Variants in PHACTR1 observed in about 807,000 individuals in gnomAD.
PHACTR1 encodes phosphatase and actin regulator 1.
Under a neutral mutation model 69.2 loss-of-function variants are expected in PHACTR1, and 16 were observed. The observed-to-expected ratio is 0.23, with a 90% CI of 0.16 to 0.35. The LOEUF is 0.35. Among genes scored for constraint, PHACTR1 ranks in the 10% least tolerant of loss-of-function variants. PHACTR1 has a pLI of 1.00. For missense variants in PHACTR1, 510 were observed against 734.7 expected (o/e 0.69, Z 3.54); for synonymous variants, 312 against 284.5 (o/e 1.10, Z -0.97).
At chr6:13,053,327 T>C (rs777423992) in intron 4 of PHACTR1, 38 bp from the exon 5 acceptor site, 2 of 1,551,046 alleles carry the variant, frequency 1.3e-6, no homozygotes, top group South Asian at 1.2e-5. Flanking sequence ...ACACTTTTTT[T>C]CTCTCTTTGT....
chr6:12,928,333 G>A (rs898898254), intron 4 of PHACTR1, among the ~76,000 whole-genome samples: 5 of 152,084 alleles, frequency 3.3e-5, no homozygotes, highest in Admixed American at 2.0e-4. Context: ...GCTGCTGAAC[G>A]AAACCCCTCA....
chr6:13,218,473 G>A (rs1410817197), intron 8 of PHACTR1, among the ~76,000 whole-genome samples: 1 of 152,160 alleles, frequency 6.6e-6, no homozygotes, highest in Admixed American at 6.5e-5. Flanking sequence ...CCCTTATCCA[G>A]TAATGAACAT....
In PHACTR1 at chr6:13,129,778, G is replaced by A. The variant is rs567074421; in HGVS notation, c.416-30426G>A. On this transcript the variant is annotated intron_variant, in intron 5 of 14. Coordinates refer to ENST00000332995, the MANE Select transcript of PHACTR1 (RefSeq NM_030948.6). ...ACAGAAAGTCAACAAAGAAACAATG[G>A]ACTTAAATTATACACTAAAATAAGT... is the stretch of plus-strand genomic sequence containing the variant. 5.3e-5 allele frequency among the ~76,000 whole-genome samples: 8 copies of A among 152,090 alleles called. No homozygotes were observed. The South Asian group carries it at 1.7e-3, about 32-fold the overall frequency.
chr6:12,953,505 A>G (rs2127556164), intron 4 of PHACTR1, among the ~76,000 whole-genome samples: 1 of 152,310 alleles, frequency 6.6e-6, no homozygotes, highest in South Asian at 2.1e-4. Context: ...AAGTTAACAA[A>G]TATGTAACCC....
At chr6:12,754,003 C>T (rs1303553302) in intron 4 of PHACTR1, among the ~76,000 whole-genome samples, 1 of 147,878 alleles carries the variant, frequency 6.8e-6, no homozygotes, top group Non-Finnish European at 1.5e-5. Flanking sequence ...CACTCTGTCA[C>T]CCAGGCTGGA....
intron 4 of PHACTR1, among the ~76,000 whole-genome samples, chr6:13,024,956 T>A (rs1256486257): frequency 1.3e-5 from 2 of 152,118 alleles, no homozygotes; most frequent in Non-Finnish European, 2.9e-5. Flanking sequence ...CCTAGGTTAA[T>A]TTTTTTAGTT....
chr6:13,251,355 T>C (rs1774373946), intron 10 of PHACTR1, among the ~76,000 whole-genome samples: 1 of 152,172 alleles, frequency 6.6e-6, no homozygotes, highest in Admixed American at 6.5e-5. Flanking sequence ...TTGGTTTGTC[T>C]GGTGCTCCCT....
chr6:13,149,105 G>A (rs972453919), intron 5 of PHACTR1, among the ~76,000 whole-genome samples: 8 of 150,980 alleles, frequency 5.3e-5, no homozygotes, highest in East Asian at 1.9e-4. Context: ...GAAAGAGCAC[G>A]GCCCCTGCTG....
At chr6:13,020,448 G>A (rs932062609) in intron 4 of PHACTR1, among the ~76,000 whole-genome samples, 1 of 152,146 alleles carries the variant, frequency 6.6e-6, no homozygotes, top group Non-Finnish European at 1.5e-5. Flanking sequence ...AGCGAGGGAC[G>A]TTGCTGTGAC....
chr6:12,785,661 C>T (rs902171256), intron 4 of PHACTR1, among the ~76,000 whole-genome samples: 6 of 152,128 alleles, frequency 3.9e-5, no homozygotes, highest in Non-Finnish European at 8.8e-5. Context: ...AACTGGACAT[C>T]GTAGAAAATA....
chr6:13,166,276 T>G (rs1194973800), intron 6 of PHACTR1, among the ~76,000 whole-genome samples: 11 of 152,226 alleles, frequency 7.2e-5, no homozygotes, highest in Non-Finnish European at 1.6e-4. Flanking sequence ...TCTTCCTTTT[T>G]TCTTCTATCT....
chr6:13,182,711 G>A, intron 7 of PHACTR1, 25 bp downstream of exon 7: 2 of 1,499,262 alleles, frequency 1.3e-6, no homozygotes, highest in Non-Finnish European at 1.8e-6. Flanking sequence ...GGATTGTAGA[G>A]CAGGTCCCAG....
At chr6:12,897,899 G>A (rs377074177) in intron 4 of PHACTR1, among the ~76,000 whole-genome samples, 1 of 151,984 alleles carries the variant, frequency 6.6e-6, no homozygotes, top group African/African-American at 2.4e-5. Flanking sequence ...GGTGCGTGAT[G>A]TTCCCCTCCT....
intron 4 of PHACTR1, among the ~76,000 whole-genome samples, chr6:12,992,721 C>G (rs2127608777): frequency 6.6e-6 from 1 of 152,124 alleles, no homozygotes; most frequent in East Asian, 1.9e-4. Context: ...ATAGGCAAAA[C>G]AAAGAGAAAA....
chr6:12,870,049 T>C (rs560645849), intron 4 of PHACTR1, among the ~76,000 whole-genome samples: 2 of 152,178 alleles, frequency 1.3e-5, no homozygotes, highest in East Asian at 1.9e-4. Flanking sequence ...CCTCATACAT[T>C]TTATTGGATC....
At chr6:13,208,224 G>A (rs933192957) in intron 8 of PHACTR1, among the ~76,000 whole-genome samples, 1 of 152,088 alleles carries the variant, frequency 6.6e-6, no homozygotes, top group East Asian at 1.9e-4. Context: ...ACTAAGGGAG[G>A]TTCACTAAGT....
chr6:12,821,907 C>T (rs796363514), intron 4 of PHACTR1, among the ~76,000 whole-genome samples: 28 of 152,280 alleles, frequency 1.8e-4, no homozygotes, highest in African/African-American at 6.3e-4. Context: ...GGCTTGACTG[C>T]GTCTTTGTAC....
chr6:13,255,857 C>T (rs569829802), intron 10 of PHACTR1, among the ~76,000 whole-genome samples: 4 of 152,182 alleles, frequency 2.6e-5, no homozygotes, highest in Admixed American at 2.0e-4. Flanking sequence ...TGGCTTTTCT[C>T]GGTACAGGGT....
At chr6:13,141,724 C>CTTTTTTTTTTTTTTTTTT (rs577073698) in intron 5 of PHACTR1, among the ~76,000 whole-genome samples, 41 of 89,540 alleles carry the variant, frequency 4.6e-4, no homozygotes, top group Middle Eastern at 7.5e-3. Flanking sequence ...TTTCTTCTTT[C>CTTTTTTTTTTTTTTTTTT]TTTTTTTTTT....
Sources: allele counts gnomAD v4.1 joint callset (sites outside exome capture counted in the v4.1 genomes callset), GRCh38; gene constraint gnomAD v4.1.1; transcripts MANE v1.5; gene names NCBI Gene and HGNC (gene_info 2026-07-23, HGNC 2026-07-21).